NBEA: variants seen among roughly 807,000 people sequenced by gnomAD.
NBEA encodes the protein neurobeachin.
In NBEA, 44 loss-of-function variants were observed where a neutral mutation model predicts 343.4. The ratio of observed to expected loss-of-function variants is 0.13; its 90% CI spans 0.10 to 0.16. NBEA has a LOEUF of 0.16. Ranked by LOEUF, NBEA falls within the 10% of genes least tolerant of loss-of-function variation. The pLI is 1.00. For missense variants in NBEA, 2,555 were observed against 3,631.3 expected, an observed-to-expected ratio of 0.70 and a Z score of 7.62; for synonymous variants, 1,175 against 1,238.7, an observed-to-expected ratio of 0.95 and a Z score of 1.08.
At chr13:35,412,569 A>G (rs1243803278) in intron 38 of NBEA, among the ~76,000 whole-genome samples, 1 of 152,024 alleles carries the variant, frequency 6.6e-6, no homozygotes, top group Non-Finnish European at 1.5e-5. Context: ...TAGTATGCAT[A>G]CCTCGTATTT....
At chr13:35,277,056 G>A (rs1230407723) in intron 34 of NBEA, among the ~76,000 whole-genome samples, 1 of 152,174 alleles carries the variant, frequency 6.6e-6, no homozygotes, top group African/African-American at 2.4e-5. Flanking sequence ...GCCCCAGGTG[G>A]CAGGGATGTA....
rs751437959 is a variant in NBEA, at chr13:35,159,704, T to C, written c.3533T>C (p.Leu1178Pro). 1.2e-6 allele frequency: 2 copies of C among 1,612,962 alleles called. No individual in the cohort carries two copies. Among genetic ancestry groups the C allele is most frequent in the East Asian group, 2.2e-5 (1 of 44,786 alleles). The change falls in exon 22 of 59, where the codon CTT becomes CCT. Residue 1178 changes from leucine to proline, a missense_variant. By Grantham distance (98) the Leu-to-Pro change is moderately conservative. Coordinates refer to ENST00000379939, the MANE Select transcript of NBEA (RefSeq NM_001385012.1). ...IPNIQDTQVH[L>P]GVSDDLGLLA... Reference sequence around the variant, plus strand: ...AATATTCAGGACACACAAGTACATCTTGGTGTTAGTGATGATCTTGGATTG... The same window carrying C: ...AATATTCAGGACACACAAGTACATCCTGGTGTTAGTGATGATCTTGGATTG...
intron 41 of NBEA, among the ~76,000 whole-genome samples, chr13:35,529,444 G>A (rs906649105): frequency 2.0e-5 from 3 of 152,114 alleles, no homozygotes; most frequent in Admixed American, 2.0e-4. Context: ...TGGTTTCAGT[G>A]CCAATGCCAG....
chr13:35,516,975 A>G (rs1029715197), intron 41 of NBEA, among the ~76,000 whole-genome samples: 1 of 152,200 alleles, frequency 6.6e-6, no homozygotes, highest in Admixed American at 6.5e-5. Flanking sequence ...TCCAAAGATC[A>G]TGTTCTTTCA....
intron 46 of NBEA, among the ~76,000 whole-genome samples, chr13:35,591,498 T>C (rs760091001): frequency 9.2e-5 from 14 of 152,110 alleles, no homozygotes; most frequent in Non-Finnish European, 1.6e-4. Flanking sequence ...AATATGGACT[T>C]CTTGGATGCA....
Position 35,196,289 on chromosome 13 carries a change from C to T in NBEA, c.5353C>T (p.His1785Tyr), listed in dbSNP as rs868576752. ...ACAAGCTATTCTTCCTATGCAGTTT[C>T]ATTCCTTTGACAGGTAGGTACTGAA... ...ETQAILPMQFHSFDRSVVVPV... is the reference protein window; with the variant it reads ...ETQAILPMQFYSFDRSVVVPV... Residue 1785 changes from histidine (H) to tyrosine (Y), a missense_variant, in exon 31 of 59, where the codon CAT (histidine) becomes TAT (tyrosine). By Grantham distance (83) the His-to-Tyr change is moderately conservative (BLOSUM62 2). Coordinates refer to ENST00000379939, the MANE Select transcript of NBEA (RefSeq NM_001385012.1). The T allele has an allele frequency of 6.2e-7, 1 of 1,612,410 alleles. No homozygotes were observed. Among genetic ancestry groups the T allele is most frequent in the African/African-American group, 1.3e-5 (1 of 74,968 alleles).
At position 35,070,660 on chromosome 13, in the gene NBEA, G is replaced by A. The variant is rs948392165; in HGVS notation, c.1438-59G>A. 3.5e-6 allele frequency: 5 copies of A among 1,420,516 alleles called. No homozygotes were observed. In the African/African-American group the frequency reaches 7.1e-5, roughly 20 times the overall value. The allele number at this position is 1,420,516 out of a possible 1,614,324, so 88.0% of individuals were successfully genotyped here. A position where few individuals can be genotyped will look rare whatever the true frequency, so the allele number is the denominator to read the frequency against. On this transcript the variant is annotated intron_variant, in intron 9 of 58. Coordinates refer to ENST00000379939, the MANE Select transcript of NBEA (RefSeq NM_001385012.1). ...CTATTATAAAGGTATTTGGAACAAG[G>A]AAATAGTGATGAAATCATTCTATAG...
intron 1 of NBEA, among the ~76,000 whole-genome samples, chr13:34,979,299 C>G (rs1020020632): frequency 1.3e-5 from 2 of 152,096 alleles, no homozygotes; most frequent in Admixed American, 1.3e-4. Flanking sequence ...GCAGGCAGAT[C>G]ATCTGAGGCC....
At chr13:35,220,028 T>C (rs2074276309) in intron 33 of NBEA, among the ~76,000 whole-genome samples, 2 of 152,186 alleles carry the variant, frequency 1.3e-5, no homozygotes, top group African/African-American at 4.8e-5. Context: ...ATGCTGATGC[T>C]GCTGGTCCAG....
intron 1 of NBEA, among the ~76,000 whole-genome samples, chr13:34,947,845 A>T (rs2059233857): frequency 6.6e-6 from 1 of 152,162 alleles, no homozygotes; most frequent in Non-Finnish European, 1.5e-5. Context: ...AACTCATATA[A>T]ACTTTATGTA....
chr13:35,075,966 T>C (rs1250728288), intron 10 of NBEA, among the ~76,000 whole-genome samples: 1 of 151,978 alleles, frequency 6.6e-6, no homozygotes, highest in Non-Finnish European at 1.5e-5. Flanking sequence ...GCGTTAAAAT[T>C]TTATTACATA....
At chr13:35,463,184 A>G (rs556417792) in intron 40 of NBEA, among the ~76,000 whole-genome samples, 50 of 152,376 alleles carry the variant, frequency 3.3e-4, no homozygotes, top group Middle Eastern at 6.8e-3. Flanking sequence ...GTAAGAGAAA[A>G]GGAAAGAATC....
intron 41 of NBEA, among the ~76,000 whole-genome samples, chr13:35,510,230 T>C (rs1429667962): frequency 1.3e-5 from 2 of 152,128 alleles, no homozygotes; most frequent in East Asian, 1.9e-4. Flanking sequence ...ATATTACAAA[T>C]CAAGAAAAAC....
intron 35 of NBEA, among the ~76,000 whole-genome samples, chr13:35,303,750 T>C (rs2036703234): frequency 6.6e-6 from 1 of 152,296 alleles, no homozygotes; most frequent in East Asian, 1.9e-4. Context: ...TTATGGTCCA[T>C]AATTATATTC....
intron 38 of NBEA, among the ~76,000 whole-genome samples, chr13:35,391,713 G>C (rs1191219158): frequency 6.6e-6 from 1 of 152,124 alleles, no homozygotes; most frequent in African/African-American, 2.4e-5. Context: ...ATTCAGAAGG[G>C]TAATTTCTGT....
intron 38 of NBEA, among the ~76,000 whole-genome samples, chr13:35,381,386 A>G (rs2042005812): frequency 6.6e-6 from 1 of 152,152 alleles, no homozygotes; most frequent in Non-Finnish European, 1.5e-5. Flanking sequence ...CTATAGTCTC[A>G]TTTGTGAGAG....
chr13:35,621,878 C>T (rs1368518526), intron 48 of NBEA, among the ~76,000 whole-genome samples: 2 of 152,160 alleles, frequency 1.3e-5, no homozygotes, highest in Non-Finnish European at 2.9e-5. Flanking sequence ...GGCTTACATT[C>T]TAATTGAGGA....
chr13:35,026,105 C>G (rs907018779), intron 1 of NBEA, among the ~76,000 whole-genome samples: 1 of 152,010 alleles, frequency 6.6e-6, no homozygotes, highest in Non-Finnish European at 1.5e-5. Flanking sequence ...CCATGCTGTT[C>G]TCATGATAGT....
At chr13:35,498,297 T>C (rs2076759686) in intron 41 of NBEA, among the ~76,000 whole-genome samples, 1 of 152,074 alleles carries the variant, frequency 6.6e-6, no homozygotes, top group African/African-American at 2.4e-5. Flanking sequence ...ATATCTTTCA[T>C]GAGCTATGGC....
Sources: gnomAD v4.1 joint callset for allele counts (sites outside exome capture counted in the v4.1 genomes callset) on GRCh38, gnomAD v4.1.1 for gene constraint, MANE v1.5 for transcripts, NCBI Gene and HGNC (gene_info 2026-07-23, HGNC 2026-07-21) for gene names.